The following FOXO1 variants were observed in gnomAD, a reference collection of about 807,000 sequenced individuals.
FOXO1 encodes the protein forkhead box protein O1.
FOXO1 carries 6 observed loss-of-function variants against 44.1 expected under a neutral mutation model. The observed-to-expected ratio is 0.14, with a 90% CI of 0.07 to 0.27. FOXO1 has a LOEUF of 0.27. Among genes scored for constraint, FOXO1 ranks in the 10% least tolerant of loss-of-function variants. FOXO1 has a pLI of 1.00. For synonymous variants in FOXO1, 380 were observed against 362.7 expected (o/e 1.05, Z -0.54); for missense variants, 737 against 888.8 (o/e 0.83, Z 2.17).
chr13:40,597,416 C>T (rs1404213380), intron 1 of FOXO1, among the ~76,000 whole-genome samples: 1 of 152,172 alleles, frequency 6.6e-6, no homozygotes, highest in Non-Finnish European at 1.5e-5. Flanking sequence ...ATCAGAATCA[C>T]CTATGTAATT....
At chr13:40,652,177 A>G (rs1050239395) in intron 1 of FOXO1, among the ~76,000 whole-genome samples, 1 of 152,218 alleles carries the variant, frequency 6.6e-6, no homozygotes, top group African/African-American at 2.4e-5. Context: ...GTTCTGCTGC[A>G]AACAGATGAG....
At chr13:40,610,104 T>C (rs1876176388) in intron 1 of FOXO1, among the ~76,000 whole-genome samples, 1 of 152,154 alleles carries the variant, frequency 6.6e-6, no homozygotes, top group African/African-American at 2.4e-5. Flanking sequence ...TAATATTATG[T>C]ACCCTGCGAC....
At chr13:40,567,115 G>C (rs1265506267) in intron 1 of FOXO1, among the ~76,000 whole-genome samples, 3 of 151,956 alleles carry the variant, frequency 2.0e-5, no homozygotes, top group Non-Finnish European at 2.9e-5. Context: ...CTGTCCCTCA[G>C]CCTATATGAA....
At chr13:40,598,162 G>C (rs1214213627) in intron 1 of FOXO1, among the ~76,000 whole-genome samples, 16 of 152,184 alleles carry the variant, frequency 1.1e-4, no homozygotes, top group African/African-American at 3.9e-4. Context: ...GTTCAGAGGA[G>C]GGAAATGGAA....
chr13:40,578,636 C>T (rs1460400786), intron 1 of FOXO1, among the ~76,000 whole-genome samples: 1 of 152,190 alleles, frequency 6.6e-6, no homozygotes. Context: ...CTATGGCCTA[C>T]TAAAGCATTC....
intron 1 of FOXO1, among the ~76,000 whole-genome samples, chr13:40,594,634 G>A (rs546494195): frequency 1.4e-4 from 21 of 152,302 alleles, no homozygotes; most frequent in African/African-American, 4.6e-4. Flanking sequence ...GAAGGCGTCA[G>A]GGAGCGAGGG....
At chr13:40,569,022 C>T (rs920058679) in intron 1 of FOXO1, among the ~76,000 whole-genome samples, 1 of 152,192 alleles carries the variant, frequency 6.6e-6, no homozygotes, top group Admixed American at 6.5e-5. Context: ...CCTCCCCTAG[C>T]CAAGCCAATC....
chr13:40,628,022 T>C (rs1005789505), intron 1 of FOXO1, among the ~76,000 whole-genome samples: 4 of 152,086 alleles, frequency 2.6e-5, no homozygotes, highest in Admixed American at 2.0e-4. Context: ...CAAATCTATG[T>C]ACCTACAAAT....
chr13:40,637,616 C>T (rs1877206172), intron 1 of FOXO1, among the ~76,000 whole-genome samples: 1 of 152,090 alleles, frequency 6.6e-6, no homozygotes, highest in South Asian at 2.1e-4. Context: ...ATAATAGCTA[C>T]CATTTATAAA....
intron 1 of FOXO1, among the ~76,000 whole-genome samples, chr13:40,632,850 C>T (rs1215310725): frequency 1.4e-5 from 2 of 139,690 alleles, no homozygotes; most frequent in African/African-American, 5.4e-5. Context: ...GAGGCTGAGG[C>T]AGGAGAATCA....
chr13:40,661,245 C>T (rs1593419821), intron 1 of FOXO1, among the ~76,000 whole-genome samples: 1 of 152,194 alleles, frequency 6.6e-6, no homozygotes, highest in Admixed American at 6.5e-5. Context: ...ATTATCGCTT[C>T]CCCAAGTACA....
chr13:40,559,799 C>A lies in FOXO1; in HGVS notation c.1692G>T (p.Val564=). 6.2e-7 allele frequency: 1 copy of A among 1,613,886 alleles called. No individual in the cohort carries two copies. The change falls in exon 2 of 3, where the codon GTG becomes GTT. Residue 564 remains valine, a synonymous_variant. Transcript: ENST00000379561. ...RLTQVKTPVQ[V]PLPHPMQMSA... ...TCATCTGCATGGGGTGGGGCAGAGGCACTTGTACAGGTGTCTTCACTTGGG... is the reference window on the plus strand; with the variant it reads ...TCATCTGCATGGGGTGGGGCAGAGGAACTTGTACAGGTGTCTTCACTTGGG...
At chr13:40,600,331 A>C (rs752414856) in intron 1 of FOXO1, among the ~76,000 whole-genome samples, 2 of 152,228 alleles carry the variant, frequency 1.3e-5, no homozygotes, top group East Asian at 3.8e-4. Context: ...GTGTGTGTCA[A>C]GGTGACAGGC....
chr13:40,652,310 G>A (rs1877711821), intron 1 of FOXO1, among the ~76,000 whole-genome samples: 6 of 140,980 alleles, frequency 4.3e-5, no homozygotes, highest in Admixed American at 2.2e-4. Flanking sequence ...TTTTTTTTGA[G>A]TTGGAGTCTC....
intron 1 of FOXO1, among the ~76,000 whole-genome samples, chr13:40,652,518 G>A (rs755720961): frequency 1.3e-5 from 2 of 152,098 alleles, no homozygotes; most frequent in East Asian, 1.9e-4. Context: ...GATTACAGGC[G>A]TGAGCCACCG....
intron 1 of FOXO1, among the ~76,000 whole-genome samples, chr13:40,631,342 T>C (rs1422432938): frequency 2.0e-5 from 3 of 152,130 alleles, no homozygotes; most frequent in Non-Finnish European, 4.4e-5. Flanking sequence ...TAAGAACTAA[T>C]ACATTAAACT....
chr13:40,613,673 G>A lies in FOXO1; in HGVS notation c.630+51910C>T, dbSNP rs1046620229. Among the ~76,000 whole-genome samples, 29 of 152,158 alleles carry A rather than the reference G, an allele frequency of 1.9e-4. 1 individual carries two copies. The highest frequency in any genetic ancestry group is 1.5e-4 in the Non-Finnish European group (10 of 68,022). ...ACTTGGTTTAGTGGATGATTACGGCGTCAGCATGTGCATTTGAAACAGGTC... is the reference window on the plus strand; with the variant it reads ...ACTTGGTTTAGTGGATGATTACGGCATCAGCATGTGCATTTGAAACAGGTC... On this transcript the variant is annotated intron_variant, in intron 1 of 2. Coordinates refer to ENST00000379561, the MANE Select transcript of FOXO1 (RefSeq NM_002015.4).
intron 1 of FOXO1, among the ~76,000 whole-genome samples, chr13:40,608,041 A>G (rs1422358942): frequency 1.3e-5 from 2 of 152,316 alleles, no homozygotes; most frequent in South Asian, 2.1e-4. Flanking sequence ...TCCAACATCC[A>G]TATGAAAAAC....
At chr13:40,583,313 G>A (rs1018615666) in intron 1 of FOXO1, among the ~76,000 whole-genome samples, 2 of 152,170 alleles carry the variant, frequency 1.3e-5, no homozygotes, top group Non-Finnish European at 2.9e-5. Flanking sequence ...AGAATTTTCT[G>A]AATGGTCCAT....
Sources: allele counts gnomAD v4.1 joint callset (sites outside exome capture counted in the v4.1 genomes callset), GRCh38; gene constraint gnomAD v4.1.1; transcripts MANE v1.5; gene names NCBI Gene and HGNC (gene_info 2026-07-23, HGNC 2026-07-21).